The following AGBL4 variants were observed in gnomAD, a reference collection of about 807,000 sequenced individuals.
AGBL4 encodes the protein AGBL carboxypeptidase 4, also known as cytosolic carboxypeptidase 6.
Under a neutral mutation model 66.4 loss-of-function variants are expected in AGBL4, and 58 were observed. The observed-to-expected ratio is 0.87, with a 90% CI of 0.71 to 1.09. The LOEUF (loss-of-function observed/expected upper bound fraction) is 1.09. AGBL4 is among the 50% of genes least tolerant of loss of function. The pLI, the probability that AGBL4 is intolerant of heterozygous loss-of-function variation, is 0.00. For missense variants in AGBL4, 579 were observed against 631.0 expected, an observed-to-expected ratio of 0.92 and a Z score of 0.88; for synonymous variants, 234 against 222.9, an observed-to-expected ratio of 1.05 and a Z score of -0.44.
intron 6 of AGBL4, among the ~76,000 whole-genome samples, chr1:48,731,269 T>C (rs1648081569): frequency 6.6e-6 from 1 of 150,398 alleles, no homozygotes; most frequent in Non-Finnish European, 1.5e-5. Flanking sequence ...TGCCTGTCTT[T>C]AGTAAAAAAA....
At chr1:49,604,360 C>T (rs1645025017) in intron 3 of AGBL4, among the ~76,000 whole-genome samples, 1 of 152,100 alleles carries the variant, frequency 6.6e-6, no homozygotes, top group South Asian at 2.1e-4. Flanking sequence ...TGTTTGTTGG[C>T]CATTTTTATA....
At chr1:48,747,860 C>T (rs1470139628) in intron 6 of AGBL4, among the ~76,000 whole-genome samples, 2 of 152,160 alleles carry the variant, frequency 1.3e-5, no homozygotes, top group Non-Finnish European at 2.9e-5. Context: ...TGTGTTTGGA[C>T]ACTAAATATC....
At chr1:48,792,833 T>C (rs1389994631) in intron 6 of AGBL4, among the ~76,000 whole-genome samples, 2 of 152,198 alleles carry the variant, frequency 1.3e-5, no homozygotes, top group Non-Finnish European at 2.9e-5. Context: ...CTGATATTCA[T>C]CAGCCTTCTA....
intron 3 of AGBL4, among the ~76,000 whole-genome samples, chr1:49,366,140 C>A (rs753341351): frequency 6.6e-6 from 1 of 152,024 alleles, no homozygotes; most frequent in Non-Finnish European, 1.5e-5. Flanking sequence ...TGCTTCTAGG[C>A]GATTTCCCCT....
chr1:48,939,410 A>G (rs1227245649), intron 5 of AGBL4, among the ~76,000 whole-genome samples: 1 of 152,224 alleles, frequency 6.6e-6, no homozygotes, highest in Non-Finnish European at 1.5e-5. Flanking sequence ...CGTTAATGGC[A>G]TTAGCATCTA....
intron 6 of AGBL4, among the ~76,000 whole-genome samples, chr1:48,717,472 T>G (rs1647071109): frequency 2.0e-5 from 3 of 152,232 alleles, no homozygotes; most frequent in Admixed American, 1.3e-4. Context: ...AGTTCATTTT[T>G]TTTGTTTGCT....
At chr1:49,690,050 C>T (rs1646857360) in intron 3 of AGBL4, among the ~76,000 whole-genome samples, 1 of 152,128 alleles carries the variant, frequency 6.6e-6, no homozygotes, top group African/African-American at 2.4e-5. Context: ...CCTGATCAGT[C>T]AGCAGCCATG....
intron 4 of AGBL4, among the ~76,000 whole-genome samples, chr1:49,180,597 T>C (rs1044450368): frequency 4.5e-4 from 69 of 152,166 alleles, no homozygotes; most frequent in African/African-American, 1.6e-3. Flanking sequence ...CTCCATTTAG[T>C]CCCTGATCAA....
chr1:49,698,118 G>A (rs889903481), intron 2 of AGBL4, among the ~76,000 whole-genome samples: 1 of 152,014 alleles, frequency 6.6e-6, no homozygotes, highest in South Asian at 2.1e-4. Flanking sequence ...ATTCTAATGA[G>A]CAGTGAATTG....
At chr1:48,760,233 C>T (rs887433627) in intron 6 of AGBL4, among the ~76,000 whole-genome samples, 1 of 152,218 alleles carries the variant, frequency 6.6e-6, no homozygotes, top group Non-Finnish European at 1.5e-5. Context: ...CAAGTAGCTA[C>T]AGCTTCTACT....
chr1:48,789,490 C>T (rs1197723520), intron 6 of AGBL4, among the ~76,000 whole-genome samples: 1 of 152,076 alleles, frequency 6.6e-6, no homozygotes, highest in South Asian at 2.1e-4. Context: ...AGGGTTTCAC[C>T]ATGTTAGCCA....
intron 3 of AGBL4, among the ~76,000 whole-genome samples, chr1:49,591,095 T>G (rs985663512): frequency 2.6e-5 from 4 of 152,068 alleles, no homozygotes; most frequent in Non-Finnish European, 5.9e-5. Flanking sequence ...TACCTTAAGC[T>G]TCTGCCTTAG....
chr1:48,880,507 G>A (rs1649675401), intron 5 of AGBL4, among the ~76,000 whole-genome samples: 1 of 152,162 alleles, frequency 6.6e-6, no homozygotes, highest in South Asian at 2.1e-4. Flanking sequence ...GATTCAAATG[G>A]TAGATCTACC....
chr1:49,495,808 T>C (rs1647503176), intron 3 of AGBL4, among the ~76,000 whole-genome samples: 1 of 151,996 alleles, frequency 6.6e-6, no homozygotes, highest in Admixed American at 6.6e-5. Context: ...GGGGAGTAAG[T>C]TGGAATGCCC....
chr1:48,971,116 C>G (rs1248727829), intron 5 of AGBL4, among the ~76,000 whole-genome samples: 1 of 152,106 alleles, frequency 6.6e-6, no homozygotes, highest in Non-Finnish European at 1.5e-5. Flanking sequence ...CCCCAAACCC[C>G]CAGCCTTGGA....
chr1:49,817,842 A>G (rs1156843721), intron 2 of AGBL4, among the ~76,000 whole-genome samples: 2 of 152,202 alleles, frequency 1.3e-5, no homozygotes, highest in Non-Finnish European at 2.9e-5. Flanking sequence ...AAAGTAATGC[A>G]TTTACTGGAA....
intron 5 of AGBL4, among the ~76,000 whole-genome samples, chr1:48,930,037 C>T (rs1571026146): frequency 6.6e-6 from 1 of 152,160 alleles, no homozygotes; most frequent in Middle Eastern, 3.4e-3. Context: ...AATCATCTAG[C>T]CCTCGTTTTT....
At chr1:49,474,011 A>G (rs188423395) in intron 3 of AGBL4, among the ~76,000 whole-genome samples, 1 of 152,192 alleles carries the variant, frequency 6.6e-6, no homozygotes, top group African/African-American at 2.4e-5. Flanking sequence ...TACCAGTACC[A>G]TGTCATTTTG....
rs553713328 is a variant in AGBL4 at position 49,266,431 on chromosome 1, C to A, written c.283-20567G>T. 3.1e-3 allele frequency among the ~76,000 whole-genome samples: 474 copies of A among 152,124 alleles called. 1 individual carries two copies. The highest frequency in any genetic ancestry group is 5.2e-3 in the Non-Finnish European group (351 of 68,002). On this transcript the variant is annotated intron_variant, in intron 3 of 13. Transcript: ENST00000371839. ...GCCTCTCTTTTCCTCAATCTGACAGCATTTCCTACATGGAATTTTGTTCTA... is the reference window on the plus strand; with the variant it reads ...GCCTCTCTTTTCCTCAATCTGACAGAATTTCCTACATGGAATTTTGTTCTA...
Sources: gnomAD v4.1 joint callset for allele counts (sites outside exome capture counted in the v4.1 genomes callset) on GRCh38, gnomAD v4.1.1 for gene constraint, MANE v1.5 for transcripts, NCBI Gene and HGNC (gene_info 2026-07-23, HGNC 2026-07-21) for gene names.